ASIC2: variants seen among roughly 807,000 people sequenced by gnomAD.
ASIC2 encodes acid sensing ion channel subunit 2, also known as acid-sensing ion channel 2.
A neutral mutation model predicts 57.3 loss-of-function variants in ASIC2; 25 were observed. That is an observed-to-expected ratio of 0.44 (90% CI 0.32 to 0.61). The LOEUF (loss-of-function observed/expected upper bound fraction) is 0.61. Among genes scored for constraint, ASIC2 ranks in the 20% least tolerant of loss-of-function variants. ASIC2 has a pLI of 0.06. For synonymous variants in ASIC2, 319 were observed against 307.5 expected (o/e 1.04, Z -0.39); for missense variants, 641 against 738.1 (o/e 0.87, Z 1.52).
intron 1 of ASIC2, among the ~76,000 whole-genome samples, chr17:34,124,008 G>A (rs530328300): frequency 4.6e-5 from 7 of 152,248 alleles, no homozygotes; most frequent in East Asian, 3.9e-4. Flanking sequence ...CTTAAGCCTC[G>A]GAGGTGGAGG....
chr17:33,264,767 G>A lies in ASIC2; in HGVS notation c.708+26641C>T, dbSNP rs147115167. The stretch of plus-strand genomic sequence containing the variant: ...CCCAACTCTAAGACTGTTGGCAGGG[G>A]TGAGGGTGCTGATAGCATGAAATCT... On this transcript the variant is annotated intron_variant, in intron 1 of 9. Transcript: ENST00000225823. Among the ~76,000 whole-genome samples, 12 of 152,358 alleles carry A rather than the reference G, an allele frequency of 7.9e-5. No homozygotes were observed. The East Asian group carries it at 2.1e-3, about 27-fold the overall frequency.
At position 33,703,321 on chromosome 17, in the gene ASIC2, C is replaced by CTTTTTCTT. The variant is rs10627497; in HGVS notation, c.555+452656_555+452657insAAGAAAAA. On this transcript the variant is annotated intron_variant, in intron 1 of 9. Transcript: ENST00000359872. ...CTCTTTGGTAGTTTGGTTTCTTTTT[C>CTTTTTCTT]TTTTTTTTTTTGTTGCTGTTGTTGT... Among the ~76,000 whole-genome samples, 1,123 of 143,596 alleles carry CTTTTTCTT rather than the reference C, an allele frequency of 7.8e-3. 15 individuals are homozygous for CTTTTTCTT. The highest frequency in any genetic ancestry group is 0.028 in the African/African-American group (1,055 of 38,192). The allele number at this position is 143,596 out of a possible 152,430, so 94.2% of individuals were successfully genotyped here.
chr17:33,853,342 GC>G (rs1913826081), intron 1 of ASIC2, among the ~76,000 whole-genome samples: 1 of 152,194 alleles, frequency 6.6e-6, no homozygotes, highest in South Asian at 2.1e-4. Context: ...ACCCGGCCTG[GC>G]AGGGGACTGA....
At chr17:33,791,171 G>A (rs1314415270) in intron 1 of ASIC2, among the ~76,000 whole-genome samples, 1 of 152,180 alleles carries the variant, frequency 6.6e-6, no homozygotes, top group Non-Finnish European at 1.5e-5. Context: ...GAAGCCATGA[G>A]GATTTATGTC....
At chr17:33,379,135 T>C (rs1057102010) in intron 1 of ASIC2, among the ~76,000 whole-genome samples, 3 of 152,118 alleles carry the variant, frequency 2.0e-5, no homozygotes, top group African/African-American at 7.2e-5. Context: ...GGACACATAG[T>C]TGGTGGCTTT....
intron 8 of ASIC2, 61 bp downstream of exon 8, chr17:33,017,544 C>G (rs1025756610): frequency 1.3e-5 from 19 of 1,435,292 alleles, no homozygotes; most frequent in Non-Finnish European, 1.8e-5. Context: ...GATTCTGAAC[C>G]TGGGGCACGA....
At chr17:33,425,030 C>T (rs1324126358) in intron 1 of ASIC2, among the ~76,000 whole-genome samples, 2 of 152,194 alleles carry the variant, frequency 1.3e-5, no homozygotes, top group Non-Finnish European at 2.9e-5. Flanking sequence ...AAATAATTTA[C>T]ACACATTATT....
chr17:33,247,568 T>C (rs997362772), intron 1 of ASIC2, among the ~76,000 whole-genome samples: 3 of 152,118 alleles, frequency 2.0e-5, no homozygotes, highest in Non-Finnish European at 4.4e-5. Context: ...ACAGAGACAA[T>C]GGACAAAGAG....
chr17:33,770,954 C>T (rs1029082023), intron 1 of ASIC2, among the ~76,000 whole-genome samples: 2 of 152,104 alleles, frequency 1.3e-5, no homozygotes, highest in Non-Finnish European at 2.9e-5. Context: ...TATCTGTGGT[C>T]AATGGGCTAT....
chr17:33,433,573 T>C (rs918133829), intron 1 of ASIC2, among the ~76,000 whole-genome samples: 3 of 152,076 alleles, frequency 2.0e-5, no homozygotes, highest in Non-Finnish European at 4.4e-5. Context: ...CTGGCCAACA[T>C]GGTGAAACCC....
chr17:33,948,163 C>T (rs1296690314), intron 1 of ASIC2, among the ~76,000 whole-genome samples: 1 of 152,104 alleles, frequency 6.6e-6, no homozygotes, highest in Non-Finnish European at 1.5e-5. Context: ...AACACTCCTG[C>T]GTGGGAGGAA....
rs1912261251 is a variant in ASIC2 at position 34,141,159 on chromosome 17, T to TG, written c.555+14818_555+14819insC. Among the ~76,000 whole-genome samples, 4 of 64,078 alleles carry TG rather than the reference T, an allele frequency of 6.2e-5. No homozygotes were observed. The East Asian group carries it at 9.7e-4, about 15-fold the overall frequency. 42.0% of individuals were successfully genotyped at this position (64,078 alleles called of 152,430 possible). On this transcript the variant is annotated intron_variant, in intron 1 of 9. Transcript: ENST00000359872. ...GTGCAAGATGACTGGCCTTGAATTA[T>TG]TAAAAAAAAAAAATCCAGTACATGA...
chr17:33,976,733 GC>G (rs1905402044), intron 1 of ASIC2: 1 of 152,084 alleles, frequency 6.6e-6, no homozygotes, highest in Middle Eastern at 3.2e-3. Context: ...CCATCAGGTG[GC>G]CCAAGGAGAA....
chr17:34,006,744 C>T (rs1906538957), intron 1 of ASIC2: 2 of 152,110 alleles, frequency 1.3e-5, no homozygotes, highest in Non-Finnish European at 2.9e-5. Flanking sequence ...CCCGAAATAT[C>T]AAAAGGGGCT....
chr17:33,102,729 A>G (rs1010070090), intron 2 of ASIC2, among the ~76,000 whole-genome samples: 13 of 151,954 alleles, frequency 8.6e-5, no homozygotes, highest in African/African-American at 3.1e-4. Context: ...CAATCCTTCT[A>G]TGGATTAAAA....
intron 1 of ASIC2, chr17:34,002,726 C>T (rs1055211584): frequency 1.1e-4 from 16 of 152,180 alleles, no homozygotes; most frequent in African/African-American, 3.9e-4. Flanking sequence ...GTTAACAATT[C>T]ATTATTCCTA....
chr17:33,828,163 C>T (rs1912997298), intron 1 of ASIC2: 1 of 152,124 alleles, frequency 6.6e-6, no homozygotes, highest in Non-Finnish European at 1.5e-5. Flanking sequence ...TTGCTATTGA[C>T]AATAGTTCTG....
chr17:33,222,193 C>T (rs1481507389), intron 1 of ASIC2, among the ~76,000 whole-genome samples: 1 of 152,072 alleles, frequency 6.6e-6, no homozygotes, highest in Non-Finnish European at 1.5e-5. Flanking sequence ...AGCAACAAAA[C>T]TGATGAATAG....
At position 33,037,412 on chromosome 17, in the gene ASIC2, T is replaced by TTTTTG. The variant is rs1555564724; in HGVS notation, c.988-9021_988-9020insCAAAA. On this transcript the variant is annotated intron_variant, in intron 3 of 9. Transcript: ENST00000225823. ...CTCTTTTTTTTTTTTTTTTTTTTTT[T>TTTTTG]GCAGAGGTCATGATTCAGATACCCC... Among the ~76,000 whole-genome samples the TTTTTG allele has an allele frequency of 3.9e-5, 5 of 128,628 alleles. 2 individuals are homozygous for TTTTTG. The highest frequency in any genetic ancestry group is 1.7e-4 in the Admixed American group (2 of 11,688). 84.4% of individuals were successfully genotyped at this position (128,628 alleles called of 152,430 possible). A position where few individuals can be genotyped will look rare whatever the true frequency, so the allele number is the denominator to read the frequency against.
Sources: gnomAD v4.1 joint callset for allele counts (sites outside exome capture counted in the v4.1 genomes callset) on GRCh38, gnomAD v4.1.1 for gene constraint, MANE v1.5 for transcripts, NCBI Gene and HGNC (gene_info 2026-07-23, HGNC 2026-07-21) for gene names.